Variants in POPDC1 observed in about 807,000 individuals in gnomAD.
POPDC1 encodes the protein popeye domain-containing protein 1.
At chr6:105,101,420 G>A in the POPDC1 span, among the ~76,000 whole-genome samples, 16 of 152,302 alleles carry the variant, frequency 1.1e-4, no homozygotes, top group East Asian at 3.1e-3. Context: ...TCAGTCAGGA[G>A]CACAGATGAG....
chr6:105,112,772 G>A, the POPDC1 span, among the ~76,000 whole-genome samples: 4 of 152,110 alleles, frequency 2.6e-5, no homozygotes, highest in African/African-American at 7.2e-5. Flanking sequence ...TCTGCAAAGA[G>A]GCAAATAATA....
the POPDC1 span, among the ~76,000 whole-genome samples, chr6:105,111,495 C>T: frequency 6.6e-6 from 1 of 152,250 alleles, no homozygotes; most frequent in African/African-American, 2.4e-5. Context: ...ACCTCTCACA[C>T]ATCTTGTCCC....
At chr6:105,102,120 G>A in the POPDC1 span, among the ~76,000 whole-genome samples, 3 of 152,084 alleles carry the variant, frequency 2.0e-5, no homozygotes, top group Admixed American at 6.6e-5. Context: ...CCATATCTTC[G>A]CTACCCAATC....
chr6:105,119,004 G>C, the POPDC1 span, among the ~76,000 whole-genome samples: 1 of 151,942 alleles, frequency 6.6e-6, no homozygotes, highest in Non-Finnish European at 1.5e-5. Context: ...GGCCAACATG[G>C]TGAAACCCTG....
At chr6:105,116,909 T>C in the POPDC1 span, 3 of 1,569,568 alleles carry the variant, frequency 1.9e-6, no homozygotes, top group South Asian at 3.6e-5. Context: ...AGTACATCTA[T>C]GTATATGAAT....
the POPDC1 span, among the ~76,000 whole-genome samples, chr6:105,127,628 C>A: frequency 6.6e-6 from 1 of 151,922 alleles, no homozygotes; most frequent in African/African-American, 2.4e-5. Context: ...TTTGTAGAGA[C>A]AGGGTCTATG....
the POPDC1 span, among the ~76,000 whole-genome samples, chr6:105,132,691 T>C: frequency 6.6e-6 from 1 of 152,222 alleles, no homozygotes; most frequent in Non-Finnish European, 1.5e-5. Flanking sequence ...AATCACTGGC[T>C]AATATAACAG....
the POPDC1 span, among the ~76,000 whole-genome samples, chr6:105,121,312 C>A: frequency 6.6e-6 from 1 of 150,850 alleles, no homozygotes; most frequent in Non-Finnish European, 1.5e-5. Context: ...GTTGCCCAGG[C>A]TGGAGTGCAG....
At chr6:105,111,304 T>C in the POPDC1 span, among the ~76,000 whole-genome samples, 1 of 152,304 alleles carries the variant, frequency 6.6e-6, no homozygotes, top group East Asian at 1.9e-4. Flanking sequence ...CAGCACTTAC[T>C]AGTGATGGAA....
chr6:105,125,603 C>T, the POPDC1 span: 9 of 1,607,518 alleles, frequency 5.6e-6, no homozygotes, highest in East Asian at 1.6e-4. Flanking sequence ...TGACTAGATG[C>T]TTCACCAATG....
chr6:105,100,969 C>A, the POPDC1 span: 14 of 1,217,014 alleles, frequency 1.2e-5, no homozygotes, highest in Middle Eastern at 2.3e-4. Flanking sequence ...TTCCTCCCTC[C>A]GACTCCACCA....
At chr6:105,125,262 C>G in the POPDC1 span, 2 of 1,117,856 alleles carry the variant, frequency 1.8e-6, no homozygotes, top group African/African-American at 1.6e-5. Context: ...GCAAAAAATT[C>G]CACCAACAAC....
At chr6:105,108,298 G>A in the POPDC1 span, among the ~76,000 whole-genome samples, 1 of 152,200 alleles carries the variant, frequency 6.6e-6, no homozygotes, top group African/African-American at 2.4e-5. Context: ...AATCCATCCA[G>A]GATGAGGCTG....
the POPDC1 span, chr6:105,136,944 C>A: frequency 6.6e-6 from 1 of 152,312 alleles, no homozygotes; most frequent in Non-Finnish European, 1.5e-5. Context: ...GGAAAGCCGG[C>A]TGCAGCTGCG....
the POPDC1 span, among the ~76,000 whole-genome samples, chr6:105,117,830 G>T: frequency 2.6e-5 from 4 of 152,170 alleles, no homozygotes; most frequent in African/African-American, 9.7e-5. Flanking sequence ...CATGACTGTT[G>T]TATGAAGGAC....
chr6:105,116,505 C>T, the POPDC1 span, among the ~76,000 whole-genome samples: 1 of 152,158 alleles, frequency 6.6e-6, no homozygotes, highest in Non-Finnish European at 1.5e-5. Flanking sequence ...ATGCTAGTCC[C>T]TGACAATTGT....
chr6:105,101,520 CAG>C, the POPDC1 span, among the ~76,000 whole-genome samples: 1 of 152,174 alleles, frequency 6.6e-6, no homozygotes, highest in Admixed American at 6.5e-5. Flanking sequence ...GCTTAGGACT[CAG>C]AACGCATGTT....
At chr6:105,124,577 TG>T in the POPDC1 span, 1 of 1,611,584 alleles carries the variant, frequency 6.2e-7, no homozygotes, top group Admixed American at 1.7e-5. Context: ...GCATCTGAGT[TG>T]ATCTAAATTC....
the POPDC1 span, among the ~76,000 whole-genome samples, chr6:105,120,895 T>C: frequency 2.0e-5 from 3 of 152,206 alleles, no homozygotes; most frequent in Non-Finnish European, 4.4e-5. Flanking sequence ...CTAGAAGTGG[T>C]CTATTCCACT....
Sources: allele counts gnomAD v4.1 joint callset (sites outside exome capture counted in the v4.1 genomes callset), GRCh38; gene constraint gnomAD v4.1.1; transcripts MANE v1.5; gene names NCBI Gene and HGNC (gene_info 2026-07-23, HGNC 2026-07-21).